Variants in B3GALT1 observed in about 807,000 individuals in gnomAD.
B3GALT1 encodes UDP-Gal:betaGlcNAc beta 1,3-galactosyltransferase, polypeptide 1.
A neutral mutation model predicts 23.2 loss-of-function variants in B3GALT1; 10 were observed. The observed-to-expected ratio is 0.43, with a 90% CI of 0.27 to 0.73. B3GALT1 has a LOEUF of 0.73. B3GALT1 is among the 30% of genes least tolerant of loss of function. The probability of loss-of-function intolerance (pLI) is 0.21; values close to 1 mark genes in which losing one functional copy is unlikely to be tolerated. For synonymous variants in B3GALT1, 156 were observed against 141.5 expected (o/e 1.10, Z -0.73); for missense variants, 299 against 405.4 (o/e 0.74, Z 2.25).
intron 4 of B3GALT1, among the ~76,000 whole-genome samples, chr2:167,852,679 A>T (rs1458130728): frequency 2.0e-5 from 3 of 152,202 alleles, no homozygotes; most frequent in Non-Finnish European, 4.4e-5. Flanking sequence ...ATGGGGAAAG[A>T]TACTGTATAC....
At chr2:167,465,151 A>T (rs1190328226) in intron 1 of B3GALT1, among the ~76,000 whole-genome samples, 2 of 152,222 alleles carry the variant, frequency 1.3e-5, no homozygotes, top group Admixed American at 6.5e-5. Context: ...AAAATAGTTA[A>T]TAAAGTAAGA....
Position 167,668,816 on chromosome 2 carries a change from G to T in B3GALT1, c.-352+21850G>T, listed in dbSNP as rs531102823. ...CTCGCCCTGCTTCGGCTCGCGCACG[G>T]TGCGTGCACCCACTGACCTGCGCCC... is the stretch of plus-strand genomic sequence containing the variant. On this transcript the variant is annotated intron_variant, in intron 3 of 4. Transcript: ENST00000392690. Among the ~76,000 whole-genome samples, 6 of 152,322 alleles carry T rather than the reference G, an allele frequency of 3.9e-5. 1 individual carries two copies. In the South Asian group the frequency reaches 1.2e-3, roughly 32 times the overall value.
At chr2:167,467,330 C>G (rs1699364457) in intron 1 of B3GALT1, among the ~76,000 whole-genome samples, 1 of 152,026 alleles carries the variant, frequency 6.6e-6, no homozygotes, top group Non-Finnish European at 1.5e-5. Context: ...GTAGGGCCTC[C>G]CTCGAGCATT....
chr2:167,427,682 G>A lies in B3GALT1; in HGVS notation c.-510-62495G>A, dbSNP rs544127366. ...CTCCTGAATAGTGAGGACTACAGGCGGACACCACACCCAGCTAGTTTTTTA... is the reference window on the plus strand; with the variant it reads ...CTCCTGAATAGTGAGGACTACAGGCAGACACCACACCCAGCTAGTTTTTTA... On this transcript the variant is annotated intron_variant, in intron 1 of 4. Transcript: ENST00000392690. Among the ~76,000 whole-genome samples, 18 of 152,220 alleles carry A rather than the reference G, an allele frequency of 1.2e-4. No homozygotes were observed. The South Asian group carries it at 2.5e-3, about 21-fold the overall frequency.
intron 1 of B3GALT1, among the ~76,000 whole-genome samples, chr2:167,397,944 T>G (rs1698122421): frequency 1.3e-5 from 2 of 152,142 alleles, no homozygotes; most frequent in Non-Finnish European, 2.9e-5. Context: ...GTGAATGACT[T>G]CAGCCAGCCC....
chr2:167,365,986 A>C (rs948175047), intron 1 of B3GALT1, among the ~76,000 whole-genome samples: 1 of 152,214 alleles, frequency 6.6e-6, no homozygotes. Context: ...CTTTTTGTCT[A>C]ACATTTTGGA....
chr2:167,340,901 T>G (rs1021732377), intron 1 of B3GALT1, among the ~76,000 whole-genome samples: 5 of 152,146 alleles, frequency 3.3e-5, no homozygotes, highest in Non-Finnish European at 7.4e-5. Context: ...AAGAATTCAT[T>G]TGAAAATAGC....
intron 3 of B3GALT1, among the ~76,000 whole-genome samples, chr2:167,693,152 G>A (rs1011608786): frequency 9.2e-5 from 14 of 152,002 alleles, no homozygotes; most frequent in African/African-American, 3.1e-4. Context: ...CAAGGTCCCG[G>A]TGCAATACCC....
At chr2:167,541,886 G>A (rs1429098491) in intron 2 of B3GALT1, among the ~76,000 whole-genome samples, 1 of 152,060 alleles carries the variant, frequency 6.6e-6, no homozygotes, top group Non-Finnish European at 1.5e-5. Flanking sequence ...AAACAGTTCA[G>A]AGGTCACAAC....
intron 2 of B3GALT1, among the ~76,000 whole-genome samples, chr2:167,526,060 T>A (rs1330988028): frequency 1.3e-5 from 2 of 152,126 alleles, no homozygotes; most frequent in African/African-American, 2.4e-5. Context: ...ATCAACCATT[T>A]CTCCAAGGAC....
At chr2:167,430,023 A>G (rs903695777) in intron 1 of B3GALT1, among the ~76,000 whole-genome samples, 1 of 152,224 alleles carries the variant, frequency 6.6e-6, no homozygotes, top group Non-Finnish European at 1.5e-5. Flanking sequence ...GATAACAGAC[A>G]AAATATTTAA....
chr2:167,387,443 G>C (rs982394761), intron 1 of B3GALT1, among the ~76,000 whole-genome samples: 1 of 152,152 alleles, frequency 6.6e-6, no homozygotes, highest in Non-Finnish European at 1.5e-5. Flanking sequence ...AAGTCTCATT[G>C]TGGCTTCTCT....
intron 3 of B3GALT1, among the ~76,000 whole-genome samples, chr2:167,743,821 T>C (rs923194601): frequency 2.0e-5 from 3 of 152,066 alleles, no homozygotes; most frequent in African/African-American, 7.2e-5. Context: ...ATTCCAGTGG[T>C]TTTTTTGAAA....
chr2:167,315,762 G>A (rs187837009), intron 1 of B3GALT1, among the ~76,000 whole-genome samples: 4 of 152,156 alleles, frequency 2.6e-5, no homozygotes, highest in Admixed American at 2.6e-4. Flanking sequence ...TACTTCCAAG[G>A]CAACAAGTTT....
In B3GALT1 at chr2:167,387,801, A is replaced by C. The variant is rs1697950541; in HGVS notation, c.-511+94467A>C. On this transcript the variant is annotated intron_variant, in intron 1 of 4. Transcript: ENST00000392690. ...AAAAAAATAGTTAGTGTTAATCTCTACTGCCAGTCCTCCCACAAAAGGCTA... is the reference window on the plus strand; with the variant it reads ...AAAAAAATAGTTAGTGTTAATCTCTCCTGCCAGTCCTCCCACAAAAGGCTA... Among the ~76,000 whole-genome samples, 4 of 152,214 alleles carry C rather than the reference A, an allele frequency of 2.6e-5. No individual in the cohort carries two copies. The South Asian group carries it at 8.3e-4, about 31-fold the overall frequency.
At chr2:167,309,148 A>G (rs1696598006) in intron 1 of B3GALT1, among the ~76,000 whole-genome samples, 1 of 152,092 alleles carries the variant, frequency 6.6e-6, no homozygotes, top group Non-Finnish European at 1.5e-5. Context: ...GAAGGAAATC[A>G]CAGCAGAGAC....
chr2:167,517,587 G>C (rs1700125396), intron 2 of B3GALT1, among the ~76,000 whole-genome samples: 1 of 151,962 alleles, frequency 6.6e-6, no homozygotes, highest in Non-Finnish European at 1.5e-5. Context: ...CCATTAGTGT[G>C]AGAAGAGCAG....
intron 2 of B3GALT1, among the ~76,000 whole-genome samples, chr2:167,599,191 A>C (rs1362361701): frequency 6.6e-6 from 1 of 152,230 alleles, no homozygotes; most frequent in Non-Finnish European, 1.5e-5. Flanking sequence ...TGTTAGCTAC[A>C]AAATACGCAG....
chr2:167,362,115 T>C (rs1013635386), intron 1 of B3GALT1, among the ~76,000 whole-genome samples: 6 of 152,212 alleles, frequency 3.9e-5, no homozygotes, highest in South Asian at 2.1e-4. Flanking sequence ...CTAAGAAAAT[T>C]ACCTGTCATG....
Sources: allele counts gnomAD v4.1 joint callset (sites outside exome capture counted in the v4.1 genomes callset), GRCh38; gene constraint gnomAD v4.1.1; transcripts MANE v1.5; gene names NCBI Gene and HGNC (gene_info 2026-07-23, HGNC 2026-07-21).